Variants in NCKAP1 observed in about 807,000 individuals in gnomAD.
The protein encoded by NCKAP1 is nck-associated protein 1.
A neutral mutation model predicts 151.2 loss-of-function variants in NCKAP1; 21 were observed. The observed-to-expected ratio is 0.14, with a 90% confidence interval of 0.10 to 0.20. NCKAP1 has a LOEUF of 0.20. NCKAP1 is among the 10% of genes least tolerant of loss of function. NCKAP1 has a pLI of 1.00. For synonymous variants in NCKAP1, 484 were observed against 451.8 expected (o/e 1.07, Z -0.90); for missense variants, 933 against 1,352.1 (o/e 0.69, Z 4.86).
chr2:182,928,575 A>G (rs1696694971), intron 28 of NCKAP1, among the ~76,000 whole-genome samples: 1 of 126,566 alleles, frequency 7.9e-6, no homozygotes, highest in Non-Finnish European at 1.8e-5. Context: ...TGAGTTGGAT[A>G]ATCCCTCACC....
intron 1 of NCKAP1, among the ~76,000 whole-genome samples, chr2:183,024,146 A>G (rs1175336024): frequency 6.6e-6 from 1 of 152,116 alleles, no homozygotes; most frequent in East Asian, 1.9e-4. Flanking sequence ...CAGTTAGCGC[A>G]GAACAGCAGT....
In NCKAP1 at chr2:182,918,761, C is replaced by G. The variant is rs898779460; in HGVS notation, c.*6941G>C. 6.6e-6 allele frequency: 1 copy of G among 152,174 alleles called. No homozygotes were observed. The highest frequency in any genetic ancestry group is 1.5e-5 in the Non-Finnish European group (1 of 68,036). The allele number at this position is 152,174 out of a possible 1,614,324, so 9.4% of individuals were successfully genotyped here. On this transcript the variant is annotated 3_prime_UTR_variant, in exon 31 of 31. Coordinates refer to ENST00000361354, the MANE Select transcript of NCKAP1 (RefSeq NM_013436.5). ...GCATACTACCTGGGTGACAGGTACA[C>G]TAAAACCTCAGACTTCACCAATGTA...
chr2:182,972,238 AAAAAAAAC>A (rs1697713743), intron 15 of NCKAP1, among the ~76,000 whole-genome samples: 1 of 150,728 alleles, frequency 6.6e-6, no homozygotes, highest in Non-Finnish European at 1.5e-5. Flanking sequence ...AAAAAAAAAA[AAAAAAAAC>A]AAAACTGATT....
In NCKAP1 at chr2:182,964,696, G is replaced by T; in HGVS notation, c.1741C>A (p.His581Asn). The T allele has an allele frequency of 6.2e-7, 1 of 1,602,478 alleles. No homozygotes were observed. Among genetic ancestry groups the T allele is most frequent in the Non-Finnish European group, 8.5e-7 (1 of 1,174,322 alleles). Residue 581 changes from histidine (H) to asparagine (N), a missense_variant, in exon 17 of 31, where the codon CAT becomes AAT. His to Asn is a moderately conservative substitution (Grantham distance 68). This residue lies in a region of NCKAP1 where 607 missense variants were observed against 795.0 expected (regional missense o/e 0.76). Transcript: ENST00000361354. ...ATTACCTCTTCTGGACATAGTTCAT[G>T]CGTGCAACTCATAAAATGAGTGCAA... ...LLCTHFMSCT[H>N]ELCPEERHHI...
intron 26 of NCKAP1, among the ~76,000 whole-genome samples, chr2:182,931,137 G>A (rs1696754754): frequency 6.6e-6 from 1 of 152,066 alleles, no homozygotes; most frequent in Non-Finnish European, 1.5e-5. Context: ...AATATTACTA[G>A]ACCTGTGTTT....
intron 8 of NCKAP1, among the ~76,000 whole-genome samples, chr2:182,993,481 T>C (rs1354842105): frequency 1.3e-5 from 2 of 152,162 alleles, no homozygotes; most frequent in African/African-American, 4.8e-5. Context: ...AGGAGGAATT[T>C]ATCTATATTA....
At chr2:183,022,623 C>T (rs1037625668) in intron 2 of NCKAP1, among the ~76,000 whole-genome samples, 3 of 152,076 alleles carry the variant, frequency 2.0e-5, no homozygotes, top group Non-Finnish European at 2.9e-5. Context: ...CTCGTCTCTA[C>T]AAAAACAATC....
intron 20 of NCKAP1, among the ~76,000 whole-genome samples, chr2:182,953,637 C>T (rs1697264861): frequency 6.6e-6 from 1 of 151,938 alleles, no homozygotes; most frequent in Non-Finnish European, 1.5e-5. Flanking sequence ...CTTGTCTCCA[C>T]TAAAAATACA....
chr2:182,975,067 A>T (rs990586103), intron 15 of NCKAP1, among the ~76,000 whole-genome samples: 5 of 152,194 alleles, frequency 3.3e-5, no homozygotes, highest in Non-Finnish European at 7.3e-5. Context: ...CTATAAACCC[A>T]GAACAGGAGA....
chr2:183,038,295 T>G lies in NCKAP1; in HGVS notation c.-196A>C. 1 of 366,138 alleles carries G rather than the reference T, an allele frequency of 2.7e-6. No homozygotes were observed. 22.7% of individuals were successfully genotyped at this position (366,138 alleles called of 1,614,324 possible). ...GCGGCGGACTCCTCGGAGCCCCTTC[T>G]CCCGCAGCAGCCCGCGCCCCGGCAG... On this transcript the variant is annotated 5_prime_UTR_variant, in exon 1 of 31. Transcript: ENST00000361354.
At chr2:182,954,385 C>T (rs1223904681) in intron 20 of NCKAP1, among the ~76,000 whole-genome samples, 1 of 152,156 alleles carries the variant, frequency 6.6e-6, no homozygotes, top group Non-Finnish European at 1.5e-5. Flanking sequence ...CTTTAAAACT[C>T]CCTGAGCATT....
At chr2:183,032,696 G>A (rs1044724850) in intron 1 of NCKAP1, among the ~76,000 whole-genome samples, 3 of 152,136 alleles carry the variant, frequency 2.0e-5, no homozygotes, top group African/African-American at 7.2e-5. Flanking sequence ...TCTTTATACA[G>A]ATGCTCCTCA....
At position 183,023,794 on chromosome 2, in the gene NCKAP1, T is replaced by TA; in HGVS notation, c.219+11dup. ...CTTAAAATTAAGCAATAGAAAAATT[T>TA]AGATAACTTACATTGTTGTTGCGGG... On this transcript the variant is annotated intron_variant, in intron 2 of 30. Transcript: ENST00000361354. 1.3e-6 allele frequency: 2 copies of TA among 1,588,084 alleles called. No homozygotes were observed. Among genetic ancestry groups the TA allele is most frequent in the East Asian group, 4.5e-5 (2 of 44,672 alleles).
At chr2:182,950,842 CT>C (rs201055975) in intron 23 of NCKAP1, among the ~76,000 whole-genome samples, 2 of 151,456 alleles carry the variant, frequency 1.3e-5, no homozygotes, top group Non-Finnish European at 2.9e-5. Context: ...TGAGTTTTTT[CT>C]TTTTTTTGAG....
chr2:182,952,539 G>T, intron 22 of NCKAP1, 37 bp from the exon 23 acceptor site: 1 of 1,412,614 alleles, frequency 7.1e-7, no homozygotes, highest in South Asian at 1.3e-5. Context: ...ACTTCCGACA[G>T]AGCAAATACT....
chr2:182,974,649 T>C (rs2105846296), intron 15 of NCKAP1, among the ~76,000 whole-genome samples: 1 of 152,250 alleles, frequency 6.6e-6, no homozygotes, highest in Admixed American at 6.5e-5. Flanking sequence ...GAGAGAGAGA[T>C]GGAAGAGGTT....
chr2:182,972,352 T>C (rs1386927877), intron 15 of NCKAP1, among the ~76,000 whole-genome samples: 3 of 150,468 alleles, frequency 2.0e-5, no homozygotes, highest in African/African-American at 7.4e-5. Flanking sequence ...ATCAGAGAAA[T>C]GCAAATTAAA....
chr2:183,037,651 T>C (rs1699129074), intron 1 of NCKAP1, among the ~76,000 whole-genome samples: 1 of 152,100 alleles, frequency 6.6e-6, no homozygotes, highest in Non-Finnish European at 1.5e-5. Context: ...CACCCTCCCT[T>C]TCCTATGGGC....
chr2:182,938,181 G>C (rs1235512831), intron 24 of NCKAP1, among the ~76,000 whole-genome samples: 3 of 152,086 alleles, frequency 2.0e-5, no homozygotes, highest in Non-Finnish European at 4.4e-5. Context: ...CTAGTACTTG[G>C]TATTAAACAT....
Sources: gnomAD v4.1 joint callset for allele counts (sites outside exome capture counted in the v4.1 genomes callset) on GRCh38, gnomAD v4.1.1 for gene constraint, gnomAD v4.1.1 regional missense constraint, MANE v1.5 for transcripts, NCBI Gene and HGNC (gene_info 2026-07-23, HGNC 2026-07-21) for gene names.